Variants in LHX8 observed in about 807,000 individuals in gnomAD.
LHX8 encodes LIM homeobox 8.
In LHX8, 12 loss-of-function variants were observed where a neutral mutation model predicts 40.3. The ratio of observed to expected loss-of-function variants is 0.30; its 90% confidence interval spans 0.19 to 0.48. LHX8 has a LOEUF of 0.48. LHX8 is among the 20% of genes least tolerant of loss of function. The pLI is 0.99. For synonymous variants in LHX8, 179 were observed against 162.0 expected (o/e 1.10, Z -0.80); for missense variants, 344 against 433.7 (o/e 0.79, Z 1.84).
intron 6 of LHX8, among the ~76,000 whole-genome samples, chr1:75,147,958 G>T (rs375742056): frequency 1.2e-4 from 18 of 152,294 alleles, no homozygotes; most frequent in Middle Eastern, 6.8e-3. Flanking sequence ...TTGGCATAGT[G>T]GTTTCAATCC....
the LHX8 span, among the ~76,000 whole-genome samples, chr1:75,187,414 C>T: frequency 3.3e-5 from 5 of 152,288 alleles, no homozygotes; most frequent in African/African-American, 9.6e-5. Context: ...AAATGACAGA[C>T]CATCTTGGCT....
chr1:75,134,991 G>C (rs576398784), intron 1 of LHX8, 37 bp downstream of exon 1: 3 of 953,654 alleles, frequency 3.1e-6, no homozygotes, highest in Non-Finnish European at 3.7e-6. Flanking sequence ...TGTGGTGATC[G>C]TGGCGGTCCG....
intron 4 of LHX8, 58 bp from the exon 5 acceptor site, chr1:75,143,060 T>C: frequency 7.6e-7 from 1 of 1,323,630 alleles, no homozygotes; most frequent in Non-Finnish European, 1.1e-6. Context: ...AATATTCGAC[T>C]GATGAATATC....
chr1:75,194,529 G>A, the LHX8 span, among the ~76,000 whole-genome samples: 4 of 152,172 alleles, frequency 2.6e-5, no homozygotes, highest in Non-Finnish European at 5.9e-5. Context: ...GCATTTGATA[G>A]CCTCCCTTTC....
the LHX8 span, among the ~76,000 whole-genome samples, chr1:75,185,128 A>T: frequency 6.6e-6 from 1 of 151,918 alleles, no homozygotes; most frequent in African/African-American, 2.4e-5. Flanking sequence ...TACTAGCCAA[A>T]AAAAAAGCTC....
At chr1:75,153,977 T>G (rs1382441563) in intron 7 of LHX8, among the ~76,000 whole-genome samples, 5 of 152,246 alleles carry the variant, frequency 3.3e-5, no homozygotes, top group African/African-American at 1.2e-4. Flanking sequence ...TTGTCTGGGC[T>G]TTCTAAAGGT....
chr1:75,191,292 G>A, the LHX8 span, among the ~76,000 whole-genome samples: 3 of 152,026 alleles, frequency 2.0e-5, no homozygotes, highest in Non-Finnish European at 2.9e-5. Context: ...TTGGTCAGAC[G>A]TGTGGAAAAT....
the LHX8 span, among the ~76,000 whole-genome samples, chr1:75,187,154 A>G: frequency 2.0e-5 from 3 of 152,218 alleles, no homozygotes; most frequent in African/African-American, 4.8e-5. Flanking sequence ...TTCAGTTGAC[A>G]TGAAGGTGGC....
At chr1:75,185,631 G>A in the LHX8 span, among the ~76,000 whole-genome samples, 1 of 152,162 alleles carries the variant, frequency 6.6e-6, no homozygotes, top group Admixed American at 6.5e-5. Flanking sequence ...TTGAAAACCA[G>A]TGCAAGACAA....
chr1:75,185,807 A>G, the LHX8 span, among the ~76,000 whole-genome samples: 260 of 152,222 alleles, frequency 1.7e-3, no homozygotes, highest in African/African-American at 5.9e-3. Context: ...AAGAGTCTCA[A>G]CCCAAAAGCT....
At chr1:75,151,974 A>T (rs561463797) in intron 7 of LHX8, among the ~76,000 whole-genome samples, 1 of 152,330 alleles carries the variant, frequency 6.6e-6, no homozygotes, top group East Asian at 1.9e-4. Flanking sequence ...GTTAAGGTTG[A>T]ACATTAAATA....
rs535042042 is a variant in LHX8, at chr1:75,137,278, G to C, written c.237+17G>C. The C allele has an allele frequency of 2.5e-6, 4 of 1,611,204 alleles. No homozygotes were observed. In the East Asian group the frequency reaches 6.7e-5, roughly 27 times the overall value. ...CTTCTCAAGGTAGGATAGGGCCTCG[G>C]GTGCGAGGCCCAAGGGGAGCGGGCT... is the stretch of plus-strand genomic sequence containing the variant. On this transcript the variant is annotated intron_variant, in intron 3 of 8. Coordinates refer to ENST00000356261, the MANE Select transcript of LHX8 (RefSeq NM_001256114.2).
Position 75,157,091 on chromosome 1 carries a change from A to T in LHX8, c.964+15A>T, listed in dbSNP as rs1170587448. 6 of 1,613,282 alleles carry T rather than the reference A, an allele frequency of 3.7e-6. No homozygotes were observed. Among genetic ancestry groups the T allele is most frequent in the Non-Finnish European group, 5.1e-6 (6 of 1,179,324 alleles). ...TTATATGGATGGTAGGTATCCCAAC[A>T]TTTAACAGCTGTCTCCCAGGCAATC... On this transcript the variant is annotated intron_variant, in intron 8 of 8. Transcript: ENST00000356261.
At position 75,156,992 on chromosome 1, in the gene LHX8, C is replaced by T. The variant is rs943417924; in HGVS notation, c.880C>T (p.Pro294Ser). 3.7e-6 allele frequency: 6 copies of T among 1,614,038 alleles called. No homozygotes were observed. The African/African-American group carries it at 8.0e-5, about 22-fold the overall frequency. The change falls in exon 8 of 9, where the codon CCA (proline) becomes TCA (serine). Residue 294 changes from proline to serine, a missense_variant. Physicochemically the swap from Pro to Ser is moderately conservative, Grantham distance 74 (BLOSUM62 -1). This residue lies in a region of LHX8 where 89 missense variants were observed against 92.8 expected (regional missense o/e 0.96). Transcript: ENST00000356261. Reference sequence around the variant, plus strand: ...AGCAGTCCCACCCTCCAGGCTGTCTCCACCCATGTTAGAAGAAATGGCTTA... The same window carrying T: ...AGCAGTCCCACCCTCCAGGCTGTCTTCACCCATGTTAGAAGAAATGGCTTA... ...VTAVPPSRLS[P>S]PMLEEMAYSA... is the part of the protein sequence containing the mutation.
intron 6 of LHX8, among the ~76,000 whole-genome samples, chr1:75,146,458 C>G (rs1648461998): frequency 6.6e-6 from 1 of 152,126 alleles, no homozygotes; most frequent in Admixed American, 6.5e-5. Context: ...GAAGCACTCA[C>G]TTAGTGATTA....
upstream of LHX8, chr1:75,130,814 G>A: frequency 7.3e-7 from 1 of 1,370,852 alleles, no homozygotes; most frequent in East Asian, 2.3e-5. Context: ...ACACGTGATG[G>A]GCAAAAATCC....
intron 8 of LHX8, 197 bp from the exon 9 acceptor site, chr1:75,160,622 T>C (rs1002761514): frequency 1.7e-6 from 1 of 589,648 alleles, no homozygotes; most frequent in Non-Finnish European, 3.0e-6. Flanking sequence ...AATAAAGATT[T>C]GGGGGTAAAA....
the LHX8 span, among the ~76,000 whole-genome samples, chr1:75,166,788 C>T: frequency 6.6e-6 from 1 of 152,174 alleles, no homozygotes; most frequent in Non-Finnish European, 1.5e-5. Flanking sequence ...TGCAAAGGGT[C>T]ATCAATGGAA....
intron 6 of LHX8, among the ~76,000 whole-genome samples, 191 bp downstream of exon 6, chr1:75,144,139 A>G (rs566227401): frequency 8.5e-5 from 13 of 152,302 alleles, no homozygotes; most frequent in African/African-American, 3.1e-4. Context: ...TAGCATCATA[A>G]TATAATATGA....
Sources: allele counts gnomAD v4.1 joint callset (sites outside exome capture counted in the v4.1 genomes callset), GRCh38; gene constraint gnomAD v4.1.1; regional missense constraint gnomAD v4.1.1; transcripts MANE v1.5; gene names NCBI Gene and HGNC (gene_info 2026-07-23, HGNC 2026-07-21).